NRTN: variants seen among roughly 807,000 people sequenced by gnomAD.
The protein encoded by NRTN is neurturin.
A neutral mutation model predicts 7.5 loss-of-function variants in NRTN; 3 were observed. The ratio of observed to expected loss-of-function variants is 0.40; its 90% CI spans 0.18 to 1.03. The LOEUF is 1.03. Among genes scored for constraint, NRTN ranks in the 50% least tolerant of loss-of-function variants. The pLI is 0.34. For missense variants in NRTN, 310 were observed against 307.0 expected (o/e 1.01, Z -0.07); for synonymous variants, 157 against 146.6 (o/e 1.07, Z -0.51).
intron 2 of NRTN, among the ~76,000 whole-genome samples, chr19:5,826,272 C>G (rs1190825522): frequency 6.6e-6 from 1 of 152,178 alleles, no homozygotes; most frequent in African/African-American, 2.4e-5. Flanking sequence ...CCCCCCAGCA[C>G]AGTCCTGGCC....
chr19:5,814,064 G>A (rs916586363), intron 1 of NRTN, among the ~76,000 whole-genome samples: 1 of 152,132 alleles, frequency 6.6e-6, no homozygotes. Context: ...GAGTGAAACG[G>A]AGAGGAAGGA....
At chr19:5,822,526 T>C (rs893510885) in intron 1 of NRTN, among the ~76,000 whole-genome samples, 2 of 152,178 alleles carry the variant, frequency 1.3e-5, no homozygotes, top group Non-Finnish European at 2.9e-5. Flanking sequence ...ACACCGACTG[T>C]ATGCAGTGAG....
Position 5,828,293 on chromosome 19 carries a change from T to C in NRTN, c.*120T>C. 1.8e-6 allele frequency: 2 copies of C among 1,123,180 alleles called. No homozygotes were observed. Among genetic ancestry groups the C allele is most frequent in the South Asian group, 1.6e-5 (1 of 63,044 alleles). 69.6% of individuals were successfully genotyped at this position (1,123,180 alleles called of 1,614,324 possible). On this transcript the variant is annotated 3_prime_UTR_variant, in exon 3 of 3. Transcript: ENST00000303212. ...CGGCGCGGCCCCGGGACTCTCGCGA[T>C]AACTGTACTGAGATAAAGTGTGGCA...
At chr19:5,815,068 TC>T (rs1429477127) in intron 1 of NRTN, among the ~76,000 whole-genome samples, 13 of 152,190 alleles carry the variant, frequency 8.5e-5, no homozygotes, top group Non-Finnish European at 1.8e-4. Flanking sequence ...CTGCTTCCCC[TC>T]CTCTCACTCT....
intron 1 of NRTN, among the ~76,000 whole-genome samples, chr19:5,810,128 A>C (rs906201380): frequency 1.3e-5 from 2 of 151,570 alleles, no homozygotes; most frequent in East Asian, 3.9e-4. Flanking sequence ...TTAGCTGGGC[A>C]TGGTGGCAGG....
At chr19:5,826,103 C>G (rs935519102) in intron 2 of NRTN, among the ~76,000 whole-genome samples, 2 of 151,806 alleles carry the variant, frequency 1.3e-5, no homozygotes, top group Admixed American at 1.3e-4. Context: ...CCACTGCACT[C>G]CAGCCTGGGC....
Position 5,824,178 on chromosome 19 carries a change from A to C in NRTN, c.13A>C (p.Lys5Gln), listed in dbSNP as rs778032890. MQRWKAAALASVLCS... is the reference protein window; with the variant it reads MQRWQAAALASVLCS... ...CCGCAGGCTGAGGATGCAGCGCTGG[A>C]AGGCGGCGGCCTTGGCCTCAGTGCT... The change falls in exon 2 of 3, where the codon AAG (lysine) becomes CAG (glutamine). Residue 5 changes from lysine to glutamine, a missense_variant. By Grantham distance (53) the Lys-to-Gln change is moderately conservative. Coordinates refer to ENST00000303212, the MANE Select transcript of NRTN (RefSeq NM_004558.5). The C allele has an allele frequency of 6.2e-7, 1 of 1,609,072 alleles. No individual in the cohort carries two copies. Among genetic ancestry groups the C allele is most frequent in the Non-Finnish European group, 8.5e-7 (1 of 1,179,876 alleles).
intron 1 of NRTN, among the ~76,000 whole-genome samples, chr19:5,814,792 C>A (rs1469404733): frequency 6.6e-6 from 1 of 151,828 alleles, no homozygotes; most frequent in African/African-American, 2.4e-5. Context: ...GATTGTGTGG[C>A]CTCCAGCTAA....
At chr19:5,817,560 AAGGAAGGG>A (rs1170992987) in intron 1 of NRTN, among the ~76,000 whole-genome samples, 15 of 120,174 alleles carry the variant, frequency 1.2e-4, no homozygotes, top group South Asian at 9.8e-4. Context: ...AATAGGAAGG[AAGGAAGGG>A]AGGGAGGGAG....
At chr19:5,825,269 G>A (rs1028784437) in intron 2 of NRTN, among the ~76,000 whole-genome samples, 1 of 152,124 alleles carries the variant, frequency 6.6e-6, no homozygotes, top group South Asian at 2.1e-4. Context: ...CTGCCCCACC[G>A]CAGGTGCTGT....
At position 5,823,897 on chromosome 19, in the gene NRTN, T is replaced by C; in HGVS notation, c.-269T>C. 3.5e-6 allele frequency: 2 copies of C among 575,536 alleles called. No homozygotes were observed. Among genetic ancestry groups the C allele is most frequent in the South Asian group, 2.0e-5 (1 of 49,454 alleles). The allele number at this position is 575,536 out of a possible 1,614,324, so 35.7% of individuals were successfully genotyped here. A position where few individuals can be genotyped will look rare whatever the true frequency, so the allele number is the denominator to read the frequency against. ...TCTGCCTGGCCAACTCCTACGTTTA[T>C]TCAAGTCTGGACCTTGTCATCGGCT... On this transcript the variant is annotated 5_prime_UTR_variant, in exon 2 of 3. Coordinates refer to ENST00000303212, the MANE Select transcript of NRTN (RefSeq NM_004558.5).
intron 1 of NRTN, among the ~76,000 whole-genome samples, chr19:5,811,345 AC>A (rs2056990104): frequency 6.6e-6 from 1 of 152,290 alleles, no homozygotes; most frequent in South Asian, 2.1e-4. Flanking sequence ...TTTGCTGACC[AC>A]CTGTGTTCAA....
chr19:5,825,086 G>T (rs2057040883), intron 2 of NRTN, among the ~76,000 whole-genome samples: 1 of 152,138 alleles, frequency 6.6e-6, no homozygotes. Context: ...GGGAGATGGA[G>T]CAGGAGCTAA....
chr19:5,817,059 G>A (rs1255861542), intron 1 of NRTN, among the ~76,000 whole-genome samples: 3 of 152,142 alleles, frequency 2.0e-5, no homozygotes, highest in Non-Finnish European at 4.4e-5. Flanking sequence ...AATACTGGCT[G>A]GGTGCAGTGG....
intron 1 of NRTN, among the ~76,000 whole-genome samples, chr19:5,814,763 T>A (rs2056999980): frequency 6.6e-6 from 1 of 152,188 alleles, no homozygotes; most frequent in Non-Finnish European, 1.5e-5. Context: ...TTCTTTCCCC[T>A]TCCTTCCCCA....
chr19:5,816,131 G>A (rs1372724834), intron 1 of NRTN, among the ~76,000 whole-genome samples: 2 of 149,688 alleles, frequency 1.3e-5, no homozygotes, highest in African/African-American at 2.5e-5. Flanking sequence ...GAACTTCCAG[G>A]CTCAGGCGAA....
chr19:5,826,104 C>T (rs2057045204), intron 2 of NRTN, among the ~76,000 whole-genome samples: 1 of 151,314 alleles, frequency 6.6e-6, no homozygotes, highest in Non-Finnish European at 1.5e-5. Flanking sequence ...CACTGCACTC[C>T]AGCCTGGGCG....
rs2056976359 is a variant in NRTN at position 5,806,779 on chromosome 19, A to C, written c.-399+1328A>C. ...GTACTGCATCTGAAACTCCACCATC[A>C]GCACTGGCCCCTCGGCGTTTCAGGT... On this transcript the variant is annotated intron_variant, in intron 1 of 2. Transcript: ENST00000303212. The surrounding 1 kb of genome is among the most constrained non-coding windows in gnomAD (Gnocchi z 5.4). Among the ~76,000 whole-genome samples the C allele has an allele frequency of 1.3e-5, 2 of 152,210 alleles. No homozygotes were observed. The highest frequency in any genetic ancestry group is 4.1e-4 in the South Asian group (2 of 4,832).
Position 5,828,188 on chromosome 19 carries a change from G to T in NRTN, c.*15G>T, listed in dbSNP as rs1294835176. 1.3e-6 allele frequency: 2 copies of T among 1,528,878 alleles called. No individual in the cohort carries two copies. The highest frequency in any genetic ancestry group is 2.0e-5 in the Admixed American group (1 of 50,566). 94.7% of individuals were successfully genotyped at this position (1,528,878 alleles called of 1,614,324 possible). ...CCTGCGTGTGACCCTACCTCACTCG[G>T]CCGGCGCGGCGGCCACTCCCCCCGC... On this transcript the variant is annotated 3_prime_UTR_variant, in exon 3 of 3. Coordinates refer to ENST00000303212, the MANE Select transcript of NRTN (RefSeq NM_004558.5).
Sources: gnomAD v4.1 joint callset for allele counts (sites outside exome capture counted in the v4.1 genomes callset) on GRCh38, gnomAD v4.1.1 for gene constraint, Gnocchi (gnomAD v3.1) non-coding constraint, MANE v1.5 for transcripts, NCBI Gene and HGNC (gene_info 2026-07-23, HGNC 2026-07-21) for gene names.